Variants in ORAI2 observed in about 807,000 individuals in gnomAD.
ORAI2 encodes ORAI calcium release-activated calcium modulator 2.
In ORAI2, 10 loss-of-function variants were observed where a neutral mutation model predicts 16.2. The ratio of observed to expected loss-of-function variants is 0.62; its 90% confidence interval spans 0.38 to 1.04. ORAI2 has a LOEUF of 1.04. ORAI2 is among the 50% of genes least tolerant of loss of function. The pLI is 0.01. For missense variants in ORAI2, 238 were observed against 355.5 expected, an observed-to-expected ratio of 0.67 and a Z score of 2.66; for synonymous variants, 150 against 157.5, an observed-to-expected ratio of 0.95 and a Z score of 0.35.
rs1206915237 is a variant in ORAI2 at position 102,436,258 on chromosome 7, T to G, written c.-89T>G. The stretch of plus-strand genomic sequence containing the variant: ...CGTCCCAGGGATGGAAGTGCTTGGA[T>G]GCGGTGCTGCTGGCTGCGGATGTGC... On this transcript the variant is annotated 5_prime_UTR_variant, in exon 2 of 4. It removes an upstream start codon present in the reference 5' UTR. Transcript: ENST00000495936. 6.2e-6 allele frequency: 6 copies of G among 975,506 alleles called. No individual in the cohort carries two copies. Among genetic ancestry groups the G allele is most frequent in the Non-Finnish European group, 7.3e-6 (6 of 820,826 alleles). 60.4% of individuals were successfully genotyped at this position (975,506 alleles called of 1,614,324 possible).
intron 1 of ORAI2, among the ~76,000 whole-genome samples, chr7:102,434,014 C>T (rs1023991465): frequency 2.0e-5 from 3 of 151,734 alleles, no homozygotes; most frequent in Admixed American, 6.6e-5. Context: ...ACTCCAAGAC[C>T]GCCCTCTGGA....
rs146434985 is a variant in ORAI2, at chr7:102,451,319, G to C, written c.*4267G>C. 4 of 152,096 alleles carry C rather than the reference G, an allele frequency of 2.6e-5. No individual in the cohort carries two copies. The East Asian group carries it at 5.8e-4, about 22-fold the overall frequency. The allele number at this position is 152,096 out of a possible 1,614,324, so 9.4% of individuals were successfully genotyped here. On this transcript the variant is annotated 3_prime_UTR_variant, in exon 4 of 4. Coordinates refer to ENST00000495936, the MANE Select transcript of ORAI2 (RefSeq NM_001126340.3). ...CTAGACATGCCAAGGCCCCTCCCAC[G>C]TGGTACACCCTCTCCGTTTAGTACC...
intron 3 of ORAI2, among the ~76,000 whole-genome samples, chr7:102,440,935 C>T (rs1490172693): frequency 6.6e-6 from 1 of 151,600 alleles, no homozygotes; most frequent in African/African-American, 2.4e-5. Flanking sequence ...CTCTGTCACC[C>T]AGGCTGGAGT....
intron 2 of ORAI2, among the ~76,000 whole-genome samples, chr7:102,437,626 A>G (rs1797095574): frequency 6.6e-6 from 1 of 152,230 alleles, no homozygotes; most frequent in Non-Finnish European, 1.5e-5. Flanking sequence ...AAAAATAAAT[A>G]AATTTAGAAA....
At position 102,456,461 on chromosome 7, in the gene ORAI2, C is replaced by G. The variant is rs1261880386; in HGVS notation, c.*9409C>G. The G allele has an allele frequency of 6.6e-6, 1 of 152,156 alleles. No individual in the cohort carries two copies. The highest frequency in any genetic ancestry group is 1.5e-5 in the Non-Finnish European group (1 of 68,082). 9.4% of individuals were successfully genotyped at this position (152,156 alleles called of 1,614,324 possible). On this transcript the variant is annotated 3_prime_UTR_variant, in exon 4 of 4. Transcript: ENST00000495936. ...AGAGATGGGGGTCTCACTATGTTGC[C>G]CAGGCTGGCCTCAAGCAATCCTCCC... is the stretch of plus-strand genomic sequence containing the variant.
rs1162113402 is a variant in ORAI2, at chr7:102,433,808, C to T, written c.-123+147C>T. On this transcript the variant is annotated intron_variant, in intron 1 of 3. Coordinates refer to ENST00000495936, the MANE Select transcript of ORAI2 (RefSeq NM_001126340.3). The surrounding 1 kb of genome is among the most constrained non-coding windows in gnomAD (Gnocchi z 4.6). ...ACTACCCATCCGGGGTTGGTGACCT[C>T]CACCCCGCGGGATCCCTGGCGGGGT... is the stretch of plus-strand genomic sequence containing the variant. 6.6e-6 allele frequency: 1 copy of T among 151,912 alleles called. No homozygotes were observed. The highest frequency in any genetic ancestry group is 1.5e-5 in the Non-Finnish European group (1 of 67,940). The allele number at this position is 151,912 out of a possible 1,614,324, so 9.4% of individuals were successfully genotyped here.
In ORAI2 at chr7:102,436,225, G is replaced by A; in HGVS notation, c.-122G>A. 3.9e-6 allele frequency: 3 copies of A among 777,848 alleles called. No individual in the cohort carries two copies. Among genetic ancestry groups the A allele is most frequent in the Non-Finnish European group, 4.7e-6 (3 of 640,316 alleles). The allele number at this position is 777,848 out of a possible 1,614,324, so 48.2% of individuals were successfully genotyped here. On this transcript the variant is annotated splice_region_variant and 5_prime_UTR_variant, in exon 2 of 4. Coordinates refer to ENST00000495936, the MANE Select transcript of ORAI2 (RefSeq NM_001126340.3). ...AGCGTTTCTCTGAATTCTCCCCAAG[G>A]GAAGGAACGTCCCAGGGATGGAAGT...
chr7:102,445,375 T>A (rs1281735491), intron 3 of ORAI2, among the ~76,000 whole-genome samples: 1 of 150,946 alleles, frequency 6.6e-6, no homozygotes, highest in Non-Finnish European at 1.5e-5. Flanking sequence ...GCGATCCTCC[T>A]GCCTCTGCCT....
In ORAI2 at chr7:102,447,236, T is replaced by C. The variant is rs1160711401; in HGVS notation, c.*184T>C. On this transcript the variant is annotated 3_prime_UTR_variant, in exon 4 of 4. Coordinates refer to ENST00000495936, the MANE Select transcript of ORAI2 (RefSeq NM_001126340.3). ...AGAACCGTTTGGTTCAATGAGGGACTGTGTTGCTAAGAGCGTTGGGGGCAA... is the reference window on the plus strand; with the variant it reads ...AGAACCGTTTGGTTCAATGAGGGACCGTGTTGCTAAGAGCGTTGGGGGCAA... The C allele has an allele frequency of 1.4e-6, 1 of 720,346 alleles. No homozygotes were observed. The highest frequency in any genetic ancestry group is 2.2e-6 in the Non-Finnish European group (1 of 453,442). 44.6% of individuals were successfully genotyped at this position (720,346 alleles called of 1,614,324 possible).
At chr7:102,446,367 C>G in intron 3 of ORAI2, 146 bp from the exon 4 acceptor site, 1 of 737,084 alleles carries the variant, frequency 1.4e-6, no homozygotes, top group Non-Finnish European at 2.2e-6. Context: ...GGGCCCAGAA[C>G]ATGGGTGAGT....
At chr7:102,440,740 G>C (rs1797175545) in intron 3 of ORAI2, among the ~76,000 whole-genome samples, 1 of 151,384 alleles carries the variant, frequency 6.6e-6, no homozygotes, top group African/African-American at 2.4e-5. Context: ...TCTCTGCTCT[G>C]TTGCCTAGGC....
intron 3 of ORAI2, among the ~76,000 whole-genome samples, chr7:102,443,318 G>A (rs1383237567): frequency 2.2e-5 from 3 of 138,838 alleles, no homozygotes; most frequent in African/African-American, 8.2e-5. Context: ...GCTGTCTGTC[G>A]CCCAGGCTGG....
At chr7:102,438,826 C>G (rs1797123133) in intron 2 of ORAI2, 118 bp from the exon 3 acceptor site, 4 of 887,688 alleles carry the variant, frequency 4.5e-6, no homozygotes, top group African/African-American at 1.7e-5. Flanking sequence ...TTTCTAAACC[C>G]CTGGGCTCTG....
intron 3 of ORAI2, among the ~76,000 whole-genome samples, chr7:102,445,054 T>C (rs1797306262): frequency 6.6e-6 from 1 of 152,212 alleles, no homozygotes; most frequent in African/African-American, 2.4e-5. Context: ...CCGACTACGG[T>C]TGATGATTTT....
chr7:102,438,984 G>A lies in ORAI2; in HGVS notation c.28G>A (p.Asp10Asn), dbSNP rs751764863. MSAELNVPI[D>N]PSAPACPEPG... ...GAGTGCTGAGCTTAACGTGCCTATC[G>A]ACCCCTCTGCTCCTGCCTGCCCTGA... The change falls in exon 3 of 4, where the codon GAC becomes AAC. Residue 10 changes from aspartate (D) to asparagine (N), a missense_variant. By Grantham distance (23) the Asp-to-Asn change is conservative (BLOSUM62 1). Around this residue, in one of 3 missense-constraint regions of ORAI2, gnomAD observed 61 missense variants for 72.7 expected, o/e 0.84. Transcript: ENST00000495936. 56 of 1,613,680 alleles carry A rather than the reference G, an allele frequency of 3.5e-5. 1 individual carries two copies. The highest frequency in any genetic ancestry group is 1.6e-4 in the South Asian group (15 of 91,058).
chr7:102,443,274 CTTT>C (rs1336293014), intron 3 of ORAI2, among the ~76,000 whole-genome samples: 21 of 129,986 alleles, frequency 1.6e-4, no homozygotes, highest in Non-Finnish European at 2.8e-4. Flanking sequence ...CCCTTTTCTC[CTTT>C]TTTTTTTTTT....
intron 3 of ORAI2, among the ~76,000 whole-genome samples, chr7:102,445,329 A>G (rs547267742): frequency 1.3e-5 from 2 of 148,664 alleles, no homozygotes; most frequent in African/African-American, 5.0e-5. Flanking sequence ...GGCTGTCACT[A>G]TGTTGCCTAG....
Position 102,452,559 on chromosome 7 carries a change from T to C in ORAI2, c.*5507T>C, listed in dbSNP as rs1294443711. On this transcript the variant is annotated 3_prime_UTR_variant, in exon 4 of 4. Coordinates refer to ENST00000495936, the MANE Select transcript of ORAI2 (RefSeq NM_001126340.3). ...CGCAAGCAATCCTCCCACCTCAGTC[T>C]CCCAAGTAGCTACACTTGGGAGACT... 1.3e-5 allele frequency: 2 copies of C among 151,990 alleles called. No individual in the cohort carries two copies. Among genetic ancestry groups the C allele is most frequent in the Non-Finnish European group, 2.9e-5 (2 of 68,050 alleles). 9.4% of individuals were successfully genotyped at this position (151,990 alleles called of 1,614,324 possible).
rs1380473710 is a variant in ORAI2 at position 102,433,949 on chromosome 7, T to C, written c.-123+288T>C. Reference sequence around the variant, plus strand: ...CTGGGAGGCCCCCTCCCAGTGCGCCTGCTGGAGAGAGACACTCGCCATTGC... The same window carrying C: ...CTGGGAGGCCCCCTCCCAGTGCGCCCGCTGGAGAGAGACACTCGCCATTGC... On this transcript the variant is annotated intron_variant, in intron 1 of 3. Transcript: ENST00000495936. This position sits in a 1 kb window ranked among gnomAD's most constrained non-coding sequence, Gnocchi z 4.6. 1.9e-4 allele frequency among the ~76,000 whole-genome samples: 29 copies of C among 151,708 alleles called. No individual in the cohort carries two copies. Among genetic ancestry groups the C allele is most frequent in the Non-Finnish European group, 2.9e-5 (2 of 67,876 alleles).
Sources: allele counts gnomAD v4.1 joint callset (sites outside exome capture counted in the v4.1 genomes callset), GRCh38; gene constraint gnomAD v4.1.1; regional missense constraint gnomAD v4.1.1; non-coding constraint Gnocchi (gnomAD v3.1); transcripts MANE v1.5; gene names NCBI Gene and HGNC (gene_info 2026-07-23, HGNC 2026-07-21).